Variants in MEA1 observed in about 807,000 individuals in gnomAD.
The protein encoded by MEA1 is male-enhanced antigen 1.
Under a neutral mutation model 21.4 loss-of-function variants are expected in MEA1, and 22 were observed. The observed-to-expected ratio is 1.03, with a 90% CI of 0.73 to 1.47. The LOEUF (loss-of-function observed/expected upper bound fraction) is 1.47, where lower values mean the gene tolerates loss of function less well. Ranked by LOEUF, MEA1 falls within the 40% of genes most tolerant of loss-of-function variation. MEA1 has a pLI of 0.00. For missense variants in MEA1, 233 were observed against 230.5 expected (o/e 1.01, Z -0.07); for synonymous variants, 91 against 85.5 (o/e 1.06, Z -0.35).
At position 43,011,655 on chromosome 6, in the gene MEA1, T is replaced by A; in HGVS notation, c.*815A>T. ...TTCATCCTCATTTGAACGCCAGGTA[T>A]CTCCCCTCCTCTCTCTCCCCTGCAG... is the stretch of plus-strand genomic sequence containing the variant. On this transcript the variant is annotated 3_prime_UTR_variant, in exon 4 of 4. Transcript: ENST00000244711. The A allele has an allele frequency of 4.1e-6, 1 of 244,002 alleles. No homozygotes were observed. The allele number at this position is 244,002 out of a possible 1,614,324, so 15.1% of individuals were successfully genotyped here. A position where few individuals can be genotyped will look rare whatever the true frequency, so the allele number is the denominator to read the frequency against.
chr6:43,014,090 T>C, upstream of MEA1: 9 of 1,415,952 alleles, frequency 6.4e-6, no homozygotes, highest in Non-Finnish European at 8.3e-6. Context: ...TCGACACATA[T>C]TTGCACATGC....
Position 43,012,161 on chromosome 6 carries a change from G to C in MEA1, c.*309C>G. On this transcript the variant is annotated 3_prime_UTR_variant, in exon 4 of 4. Coordinates refer to ENST00000244711, the MANE Select transcript of MEA1 (RefSeq NM_014623.4). ...GCAGGCCTTCTCTTGTCCCTTATAG[G>C]TACCTTGGAGGGGCCAGGGGCTGAG... The C allele has an allele frequency of 9.4e-7, 1 of 1,068,888 alleles. No individual in the cohort carries two copies. 66.2% of individuals were successfully genotyped at this position (1,068,888 alleles called of 1,614,324 possible). A position where few individuals can be genotyped will look rare whatever the true frequency, so the allele number is the denominator to read the frequency against.
chr6:43,011,690 G>A lies in MEA1; in HGVS notation c.*780C>T. ...TCTCTCTCCCCTGCAGAGGCATGTA[G>A]GGAACAGCAGGAGATTATTCTCACC... On this transcript the variant is annotated 3_prime_UTR_variant, in exon 4 of 4. Transcript: ENST00000244711. 4.9e-6 allele frequency: 1 copy of A among 203,982 alleles called. No individual in the cohort carries two copies. The highest frequency in any genetic ancestry group is 1.0e-5 in the Non-Finnish European group (1 of 99,552). 12.6% of individuals were successfully genotyped at this position (203,982 alleles called of 1,614,324 possible). A position where few individuals can be genotyped will look rare whatever the true frequency, so the allele number is the denominator to read the frequency against.
At position 43,011,581 on chromosome 6, in the gene MEA1, C is replaced by T; in HGVS notation, c.*889G>A. On this transcript the variant is annotated 3_prime_UTR_variant, in exon 4 of 4. Transcript: ENST00000244711. ...GCTCCTCACCCACAGCTACCTGAGG[C>T]TGCTCTGAGAAGTACACACAGGAAT... 2.1e-6 allele frequency: 1 copy of T among 485,410 alleles called. No homozygotes were observed. Among genetic ancestry groups the T allele is most frequent in the Non-Finnish European group, 3.7e-6 (1 of 266,730 alleles). The allele number at this position is 485,410 out of a possible 1,614,324, so 30.1% of individuals were successfully genotyped here. A position where few individuals can be genotyped will look rare whatever the true frequency, so the allele number is the denominator to read the frequency against.
At chr6:43,014,350 T>TA, upstream of MEA1, 1 of 607,840 alleles carries the variant, frequency 1.6e-6, no homozygotes, top group Non-Finnish European at 3.0e-6. Context: ...GCCTGGCAGG[T>TA]AGCCTGGGAT....
In MEA1 at chr6:43,012,100, C is replaced by T; in HGVS notation, c.*370G>A. On this transcript the variant is annotated 3_prime_UTR_variant, in exon 4 of 4. Transcript: ENST00000244711. ...GCGGTGCCCCAAGCATGGCTCCTGC[C>T]AACACCTATTTATTTCCTTGTTTGT... The T allele has an allele frequency of 1.5e-6, 1 of 662,906 alleles. No homozygotes were observed. Among genetic ancestry groups the T allele is most frequent in the Non-Finnish European group, 1.9e-6 (1 of 531,296 alleles). The allele number at this position is 662,906 out of a possible 1,614,324, so 41.1% of individuals were successfully genotyped here.
At chr6:43,012,862 TCTA>T (rs1762419453) in intron 3 of MEA1, 61 bp downstream of exon 3, 9 of 1,481,422 alleles carry the variant, frequency 6.1e-6, no homozygotes, top group Middle Eastern at 1.7e-4. Context: ...GAAACTTCCT[TCTA>T]CTGACTCATG....
upstream of MEA1, among the ~76,000 whole-genome samples, chr6:43,015,852 TAAAAAAAAA>T (rs561042959): frequency 9.9e-6 from 1 of 100,544 alleles, no homozygotes; most frequent in Non-Finnish European, 2.0e-5. Flanking sequence ...AGACTTCATC[TAAAAAAAAA>T]AAAAAAAAAA....
At position 43,012,967 on chromosome 6, in the gene MEA1, G is replaced by C. The variant is rs1762425039; in HGVS notation, c.365C>G (p.Ala122Gly). Reference protein sequence around the residue: ...LESEDEDEEGATALNNHSSIP... With the variant: ...LESEDEDEEGGTALNNHSSIP... ...AGAGCTGTGGTTGTTCAACGCTGTA[G>C]CTCCCTCCTCATCTTCATCTTCACT... Residue 122 changes from alanine to glycine, a missense_variant, in exon 3 of 4, where the codon GCT becomes GGT. Transcript: ENST00000244711. The C allele has an allele frequency of 6.2e-7, 1 of 1,614,154 alleles. No individual in the cohort carries two copies. Among genetic ancestry groups the C allele is most frequent in the Non-Finnish European group, 8.5e-7 (1 of 1,180,034 alleles).
At chr6:43,012,828 C>T (rs768311343) in intron 3 of MEA1, 98 bp downstream of exon 3, 1 of 1,321,842 alleles carries the variant, frequency 7.6e-7, no homozygotes, top group African/African-American at 1.5e-5. Context: ...TACAAACTAT[C>T]TTTTTAGGAT....
chr6:43,016,308 CTT>C (rs1762572062), upstream of MEA1: 1 of 152,292 alleles, frequency 6.6e-6, no homozygotes, highest in African/African-American at 2.4e-5. Flanking sequence ...CTTGTTCTCT[CTT>C]TTCTACTGGA....
chr6:43,013,998 C>G (rs1042135783), upstream of MEA1: 7 of 1,421,692 alleles, frequency 4.9e-6, no homozygotes, highest in African/African-American at 1.0e-4. Flanking sequence ...CTGGCGAGGA[C>G]GAGGAGTCCG....
Position 43,012,429 on chromosome 6 carries a change from C to G in MEA1, c.*41G>C, listed in dbSNP as rs770173773. 2 of 1,547,324 alleles carry G rather than the reference C, an allele frequency of 1.3e-6. No individual in the cohort carries two copies. The highest frequency in any genetic ancestry group is 2.5e-5 in the South Asian group (2 of 80,018). On this transcript the variant is annotated 3_prime_UTR_variant, in exon 4 of 4. Coordinates refer to ENST00000244711, the MANE Select transcript of MEA1 (RefSeq NM_014623.4). ...GGATGTGTTCAGTCCTGTGCTGGTT[C>G]TGGCCTGGAATGTAGGAATATAAGG...
chr6:43,012,957 C>A lies in MEA1; in HGVS notation c.375G>T (p.Leu125Phe). 1 of 1,614,118 alleles carries A rather than the reference C, an allele frequency of 6.2e-7. No individual in the cohort carries two copies. The highest frequency in any genetic ancestry group is 1.1e-5 in the South Asian group (1 of 91,076). Reference protein sequence around the residue: ...EDEDEEGATALNNHSSIPMDP... With the variant: ...EDEDEEGATAFNNHSSIPMDP... ...CCATGGGAATAGAGCTGTGGTTGTT[C>A]AACGCTGTAGCTCCCTCCTCATCTT... The change falls in exon 3 of 4, where the codon TTG becomes TTT. Residue 125 changes from leucine (L) to phenylalanine (F), a missense_variant. Leu to Phe is a conservative substitution (Grantham distance 22). Coordinates refer to ENST00000244711, the MANE Select transcript of MEA1 (RefSeq NM_014623.4).
chr6:43,014,306 G>A, upstream of MEA1: 1 of 670,558 alleles, frequency 1.5e-6, no homozygotes, highest in Non-Finnish European at 2.5e-6. Flanking sequence ...TAGGCTGCAG[G>A]CAGCTCGAGG....
At chr6:43,014,742 G>C (rs1236374735), upstream of MEA1, 2 of 390,034 alleles carry the variant, frequency 5.1e-6, no homozygotes, top group Non-Finnish European at 5.3e-6. Context: ...TCTTTCCTTA[G>C]TGGAGGTGGG....
In MEA1 at chr6:43,011,425, C is replaced by T; in HGVS notation, c.*1045G>A. 8.3e-7 allele frequency: 1 copy of T among 1,199,776 alleles called. No individual in the cohort carries two copies. The highest frequency in any genetic ancestry group is 1.1e-6 in the Non-Finnish European group (1 of 869,734). 74.3% of individuals were successfully genotyped at this position (1,199,776 alleles called of 1,614,324 possible). ...TACTCAAGGGAGGGGGATGTGGGCA[C>T]TTGAAGCAGGGACACCCACAGAATG... On this transcript the variant is annotated 3_prime_UTR_variant, in exon 4 of 4. Transcript: ENST00000244711.
At chr6:43,014,199 G>T, upstream of MEA1, 1 of 1,342,930 alleles carries the variant, frequency 7.4e-7, no homozygotes, top group South Asian at 1.6e-5. Flanking sequence ...ACTTAGCTAC[G>T]ACTGCACGTG....
upstream of MEA1, chr6:43,016,856 A>C (rs1354659395): frequency 9.7e-6 from 3 of 308,946 alleles, no homozygotes; most frequent in Non-Finnish European, 1.8e-5. Context: ...CTCCACGAGT[A>C]GGTTGTGACC....
Sources: gnomAD v4.1 joint callset for allele counts (sites outside exome capture counted in the v4.1 genomes callset) on GRCh38, gnomAD v4.1.1 for gene constraint, MANE v1.5 for transcripts, NCBI Gene and HGNC (gene_info 2026-07-23, HGNC 2026-07-21) for gene names.